The following USP35 variants were observed in gnomAD, a reference collection of about 807,000 sequenced individuals.
USP35 encodes ubiquitin specific peptidase 35.
A neutral mutation model predicts 83.8 loss-of-function variants in USP35; 69 were observed. The ratio of observed to expected loss-of-function variants is 0.82; its 90% CI spans 0.68 to 1.01. The LOEUF (loss-of-function observed/expected upper bound fraction) is 1.01, where lower values mean the gene tolerates loss of function less well. USP35 is among the 50% of genes least tolerant of loss of function. The pLI is 0.00. For synonymous variants in USP35, 714 were observed against 589.5 expected (o/e 1.21, Z -3.06); for missense variants, 1,503 against 1,362.5 (o/e 1.10, Z -1.62).
rs138369498 is a variant in USP35, at chr11:78,214,591, C to T, written c.*778C>T. ...GAGCAGTTGGCCTTTGTAGCTGCAA[C>T]AGCAGCCACCTGCAGGTTGGGTGAA... On this transcript the variant is annotated 3_prime_UTR_variant, in exon 11 of 11. Coordinates refer to ENST00000529308, the MANE Select transcript of USP35 (RefSeq NM_020798.4). 6.6e-6 allele frequency: 1 copy of T among 152,308 alleles called. No homozygotes were observed. Among genetic ancestry groups the T allele is most frequent in the Non-Finnish European group, 1.5e-5 (1 of 68,090 alleles). The allele number at this position is 152,308 out of a possible 1,614,324, so 9.4% of individuals were successfully genotyped here.
chr11:78,216,306 G>C (rs1475083248), downstream of USP35: 1 of 152,270 alleles, frequency 6.6e-6, no homozygotes, highest in African/African-American at 2.4e-5. Flanking sequence ...AAGCAGTGCT[G>C]AGTGGGAAGG....
At chr11:78,200,603 CAGGTGGG>C in intron 5 of USP35, 40 bp from the exon 6 acceptor site, 1 of 1,560,626 alleles carries the variant, frequency 6.4e-7, no homozygotes, top group East Asian at 2.3e-5. Context: ...CCCCGTGTCT[CAGGTGGG>C]CGGGTTGGTG....
the USP35 span, among the ~76,000 whole-genome samples, chr11:78,223,832 G>T: frequency 2.0e-5 from 3 of 152,166 alleles, no homozygotes; most frequent in South Asian, 6.2e-4. Flanking sequence ...TAAGAAAGCA[G>T]AGTAGTGGGA....
chr11:78,200,905 C>G (rs534890716), intron 6 of USP35, 97 bp downstream of exon 6: 16 of 1,477,486 alleles, frequency 1.1e-5, no homozygotes, highest in Middle Eastern at 3.8e-4. Context: ...TGGCAGTCCC[C>G]GTCATTTGGT....
chr11:78,233,148 T>C, the USP35 span, among the ~76,000 whole-genome samples: 7 of 149,472 alleles, frequency 4.7e-5, no homozygotes, highest in Non-Finnish European at 1.0e-4. Context: ...CAAGCCATCC[T>C]CCCACCTCAG....
the USP35 span, among the ~76,000 whole-genome samples, chr11:78,226,165 T>G: frequency 6.6e-6 from 1 of 152,250 alleles, no homozygotes; most frequent in Non-Finnish European, 1.5e-5. Flanking sequence ...ATACAATGAT[T>G]TGGGCTTCTA....
chr11:78,197,038 C>T, intron 2 of USP35, 120 bp downstream of exon 2: 1 of 1,359,680 alleles, frequency 7.4e-7, no homozygotes, highest in African/African-American at 1.5e-5. Context: ...GTGTGCCAGG[C>T]GGCGAATGCT....
rs1264625120 is a variant in USP35, at chr11:78,191,232, A to G, written c.-11+2075A>G. 2.0e-5 allele frequency among the ~76,000 whole-genome samples: 3 copies of G among 152,216 alleles called. No individual in the cohort carries two copies. In the East Asian group the frequency reaches 5.8e-4, roughly 29 times the overall value. ...GTCAGGCTCAACTGTGCAGGAGCAG[A>G]GATCAGTCAACACTCGGCAGAAATG... On this transcript the variant is annotated intron_variant, in intron 1 of 10. Coordinates refer to ENST00000529308, the MANE Select transcript of USP35 (RefSeq NM_020798.4).
At chr11:78,227,150 A>G in the USP35 span, 2 of 763,570 alleles carry the variant, frequency 2.6e-6, no homozygotes, top group African/African-American at 1.7e-5. Flanking sequence ...TGGTTTAGGC[A>G]TCTGTAAAAT....
chr11:78,196,128 C>CCAGAAAGTTTG lies in USP35; in HGVS notation c.-10-107_-10-97dup. The stretch of plus-strand genomic sequence containing the variant: ...ATTTCACAGATGAGAAAACTGAGGC[C>CCAGAAAGTTTG]CAGAAAGTTTGAGTTGCTTGCCCTA... On this transcript the variant is annotated intron_variant, in intron 1 of 10. Transcript: ENST00000529308. This position sits in a 1 kb window ranked among gnomAD's most constrained non-coding sequence, Gnocchi z 4.8. The CCAGAAAGTTTG allele has an allele frequency of 7.0e-7, 1 of 1,431,110 alleles. No individual in the cohort carries two copies. Among genetic ancestry groups the CCAGAAAGTTTG allele is most frequent in the Non-Finnish European group, 9.1e-7 (1 of 1,098,916 alleles). 88.7% of individuals were successfully genotyped at this position (1,431,110 alleles called of 1,614,324 possible). A position where few individuals can be genotyped will look rare whatever the true frequency, so the allele number is the denominator to read the frequency against.
chr11:78,193,229 A>T (rs1453729952), intron 1 of USP35, among the ~76,000 whole-genome samples: 1 of 152,056 alleles, frequency 6.6e-6, no homozygotes, highest in East Asian at 1.9e-4. Context: ...GAACTCACTT[A>T]GTCACCCAGG....
chr11:78,195,336 G>A (rs1863112444), intron 1 of USP35, among the ~76,000 whole-genome samples: 2 of 152,138 alleles, frequency 1.3e-5, no homozygotes, highest in South Asian at 4.1e-4. Context: ...TGAGAGCATG[G>A]TGGTCGTGGG....
the USP35 span, among the ~76,000 whole-genome samples, chr11:78,230,919 G>C: frequency 2.0e-5 from 3 of 152,210 alleles, no homozygotes; most frequent in Admixed American, 6.5e-5. Context: ...GTGTCACTGT[G>C]ATGACCTGAG....
the USP35 span, among the ~76,000 whole-genome samples, chr11:78,229,364 C>G: frequency 6.6e-6 from 1 of 152,170 alleles, no homozygotes; most frequent in African/African-American, 2.4e-5. Context: ...AGAGAAGACA[C>G]TGGAGGCCAG....
chr11:78,198,703 A>T, intron 3 of USP35: 3 of 985,242 alleles, frequency 3.0e-6, no homozygotes, highest in Non-Finnish European at 2.4e-6. Flanking sequence ...AGTGGGTAAG[A>T]GTGTGGGCTC....
intron 1 of USP35, among the ~76,000 whole-genome samples, chr11:78,190,786 G>C (rs2059939561): frequency 6.6e-6 from 1 of 152,220 alleles, no homozygotes; most frequent in South Asian, 2.1e-4. Context: ...AATTTTCCAG[G>C]AGAGAAGAGG....
In USP35 at chr11:78,213,690, A is replaced by G. The variant is rs914713140; in HGVS notation, c.2934A>G (p.Ala978=). Residue 978 remains alanine, a synonymous_variant, in exon 11 of 11, where the codon GCA becomes GCG. Coordinates refer to ENST00000529308, the MANE Select transcript of USP35 (RefSeq NM_020798.4). ...EARSRAAYIS[A]LPTSPHWGRG... is the part of the protein sequence containing the mutation. ...GGAGCAGGGCGGCCTACATCTCTGCACTCCCCACATCTCCGCACTGGGGGA... is the reference window on the plus strand; with the variant it reads ...GGAGCAGGGCGGCCTACATCTCTGCGCTCCCCACATCTCCGCACTGGGGGA... 6.6e-7 allele frequency: 1 copy of G among 1,522,236 alleles called. No individual in the cohort carries two copies. 94.3% of individuals were successfully genotyped at this position (1,522,236 alleles called of 1,614,324 possible).
rs138176386 is a variant in USP35, at chr11:78,203,253, A to C, written c.1197+2445A>C. ...CATAGAGAAGGGATACAGGAGTTTG[A>C]TCTTACTGTACGGGGACTGAAAAAG... On this transcript the variant is annotated intron_variant, in intron 6 of 10. Coordinates refer to ENST00000529308, the MANE Select transcript of USP35 (RefSeq NM_020798.4). 5.0e-3 allele frequency among the ~76,000 whole-genome samples: 754 copies of C among 152,286 alleles called. 5 individuals carry two copies. The highest frequency in any genetic ancestry group is 0.017 in the African/African-American group (714 of 41,540).
chr11:78,219,486 A>T, downstream of USP35: 1 of 1,425,564 alleles, frequency 7.0e-7, no homozygotes, highest in Non-Finnish European at 9.8e-7. Context: ...GAAGGTGGGC[A>T]CGGGATCTTC....
Sources: gnomAD v4.1 joint callset for allele counts (sites outside exome capture counted in the v4.1 genomes callset) on GRCh38, gnomAD v4.1.1 for gene constraint, Gnocchi (gnomAD v3.1) non-coding constraint, MANE v1.5 for transcripts, NCBI Gene and HGNC (gene_info 2026-07-23, HGNC 2026-07-21) for gene names.